The following WDFY2 variants were observed in gnomAD, a reference collection of about 807,000 sequenced individuals.
WDFY2 encodes the protein WD repeat and FYVE domain containing 2.
Under a neutral mutation model 56.4 loss-of-function variants are expected in WDFY2, and 36 were observed. The ratio of observed to expected loss-of-function variants is 0.64; its 90% CI spans 0.49 to 0.84. The LOEUF is 0.84. Among genes scored for constraint, WDFY2 ranks in the 40% least tolerant of loss-of-function variants. WDFY2 has a pLI of 0.00. For missense variants in WDFY2, 444 were observed against 512.2 expected, an observed-to-expected ratio of 0.87 and a Z score of 1.29; for synonymous variants, 176 against 183.7, an observed-to-expected ratio of 0.96 and a Z score of 0.34.
chr13:51,730,701 T>G (rs60757273), intron 6 of WDFY2, among the ~76,000 whole-genome samples: 19,074 of 152,260 alleles, frequency 0.13, 1,484 homozygotes, highest in South Asian at 0.22. Flanking sequence ...GGAGTCTGCC[T>G]GACCTCAGCT....
intron 1 of WDFY2, chr13:51,589,135 G>T (rs1593844314): frequency 6.6e-6 from 1 of 152,282 alleles, no homozygotes; most frequent in African/African-American, 2.4e-5. Flanking sequence ...CTAGCACAAA[G>T]GAGATATGCA....
At chr13:51,734,631 C>T (rs1005964099) in intron 6 of WDFY2, among the ~76,000 whole-genome samples, 5 of 152,196 alleles carry the variant, frequency 3.3e-5, no homozygotes, top group African/African-American at 1.2e-4. Context: ...ACATAAAGTA[C>T]ATTCACAGTG....
intron 1 of WDFY2, among the ~76,000 whole-genome samples, chr13:51,645,341 G>C (rs1006269316): frequency 2.6e-5 from 4 of 151,998 alleles, no homozygotes; most frequent in Non-Finnish European, 5.9e-5. Flanking sequence ...CCTACCCCAA[G>C]TTACTTCAGT....
chr13:51,694,445 T>A (rs1319108478), intron 3 of WDFY2, among the ~76,000 whole-genome samples: 5 of 152,044 alleles, frequency 3.3e-5, no homozygotes, highest in African/African-American at 1.2e-4. Context: ...ACTTATGAAG[T>A]TTAGTTTGGC....
intron 4 of WDFY2, among the ~76,000 whole-genome samples, chr13:51,709,037 A>G (rs1039548830): frequency 1.3e-5 from 2 of 152,116 alleles, no homozygotes; most frequent in Admixed American, 1.3e-4. Flanking sequence ...GGAGAAATAG[A>G]TACAAGTTAT....
chr13:51,672,789 A>G (rs916147610), intron 2 of WDFY2, among the ~76,000 whole-genome samples: 11 of 152,078 alleles, frequency 7.2e-5, no homozygotes, highest in African/African-American at 2.4e-4. Flanking sequence ...CAAGTATGTT[A>G]TTTTATTTTT....
At chr13:51,742,643 T>C (rs1953001455) in intron 7 of WDFY2, among the ~76,000 whole-genome samples, 1 of 152,250 alleles carries the variant, frequency 6.6e-6, no homozygotes, top group African/African-American at 2.4e-5. Flanking sequence ...ACGCCCGTAA[T>C]TTTTCTTTCT....
chr13:51,743,940 A>C (rs1953034262), intron 7 of WDFY2, among the ~76,000 whole-genome samples: 2 of 152,242 alleles, frequency 1.3e-5, no homozygotes, highest in South Asian at 4.1e-4. Context: ...CGAGAGCCTA[A>C]TCTGAACCTC....
intron 2 of WDFY2, among the ~76,000 whole-genome samples, chr13:51,669,932 A>G (rs1260655751): frequency 1.3e-5 from 2 of 152,172 alleles, no homozygotes; most frequent in Admixed American, 1.3e-4. Flanking sequence ...TCAGGAATGC[A>G]GTTTTGATAG....
chr13:51,611,267 G>A (rs1230604910), intron 1 of WDFY2, among the ~76,000 whole-genome samples: 3 of 152,134 alleles, frequency 2.0e-5, no homozygotes, highest in Admixed American at 6.5e-5. Context: ...ACCTATTGCT[G>A]TTGCTTCACT....
chr13:51,639,675 A>G (rs929105307), intron 1 of WDFY2, among the ~76,000 whole-genome samples: 5 of 152,198 alleles, frequency 3.3e-5, no homozygotes, highest in Non-Finnish European at 7.3e-5. Context: ...TTTGTCATAA[A>G]GGAAAGTAGA....
chr13:51,661,107 T>C (rs1420405268), intron 2 of WDFY2, among the ~76,000 whole-genome samples: 2 of 152,238 alleles, frequency 1.3e-5, no homozygotes, highest in African/African-American at 4.8e-5. Flanking sequence ...TTGCTTAGGA[T>C]TGAAACATTC....
At chr13:51,707,514 GAA>G (rs770378933) in intron 4 of WDFY2, among the ~76,000 whole-genome samples, 157 of 152,158 alleles carry the variant, frequency 1.0e-3, no homozygotes, top group Non-Finnish European at 1.9e-3. Flanking sequence ...TATACCCAGA[GAA>G]AGTATCTTTC....
intron 5 of WDFY2, among the ~76,000 whole-genome samples, chr13:51,720,591 C>G (rs1952464740): frequency 6.6e-6 from 1 of 152,228 alleles, no homozygotes. Flanking sequence ...AGTGTTAGCA[C>G]TTAGAGATCA....
chr13:51,749,590 A>G (rs188738937), intron 7 of WDFY2, among the ~76,000 whole-genome samples: 47 of 152,284 alleles, frequency 3.1e-4, no homozygotes, highest in African/African-American at 1.0e-3. Context: ...TTCCATAGTG[A>G]CATAAGGCAC....
chr13:51,617,391 G>A (rs1450803833), intron 1 of WDFY2, among the ~76,000 whole-genome samples: 2 of 151,916 alleles, frequency 1.3e-5, no homozygotes, highest in Non-Finnish European at 2.9e-5. Flanking sequence ...CCAGGCTGGA[G>A]TGTAGTGGCG....
intron 1 of WDFY2, among the ~76,000 whole-genome samples, chr13:51,639,104 A>G (rs1432968518): frequency 6.6e-6 from 1 of 152,164 alleles, no homozygotes; most frequent in Non-Finnish European, 1.5e-5. Context: ...AATATAATGA[A>G]TTGTCTCTGG....
chr13:51,706,640 A>G (rs1457609384), intron 4 of WDFY2, among the ~76,000 whole-genome samples: 2 of 152,192 alleles, frequency 1.3e-5, no homozygotes, highest in Non-Finnish European at 2.9e-5. Flanking sequence ...ATAAATTTTA[A>G]CCAGTTATAA....
At chr13:51,710,070 A>G (rs1190566085) in intron 4 of WDFY2, among the ~76,000 whole-genome samples, 1 of 152,168 alleles carries the variant, frequency 6.6e-6, no homozygotes, top group Non-Finnish European at 1.5e-5. Flanking sequence ...CCAGCAGCAT[A>G]TCAAAAAGCT....
Sources: allele counts gnomAD v4.1 joint callset (sites outside exome capture counted in the v4.1 genomes callset), GRCh38; gene constraint gnomAD v4.1.1; transcripts MANE v1.5; gene names NCBI Gene and HGNC (gene_info 2026-07-23, HGNC 2026-07-21).